Variants in GGA2 observed in about 807,000 individuals in gnomAD.
The protein encoded by GGA2 is ADP-ribosylation factor-binding protein GGA2.
GGA2 carries 48 observed loss-of-function variants against 79.5 expected under a neutral mutation model. That is an observed-to-expected ratio of 0.60 (90% CI 0.48 to 0.77). The LOEUF (loss-of-function observed/expected upper bound fraction) is 0.77, where lower values mean the gene tolerates loss of function less well. GGA2 is among the 30% of genes least tolerant of loss of function. The probability of loss-of-function intolerance (pLI) is 0.00; values close to 1 mark genes in which losing one functional copy is unlikely to be tolerated. For synonymous variants in GGA2, 317 were observed against 302.0 expected, an observed-to-expected ratio of 1.05 and a Z score of -0.51; for missense variants, 770 against 774.0, an observed-to-expected ratio of 0.99 and a Z score of 0.06.
At chr16:23,486,630 C>A (rs1029497874) in intron 7 of GGA2, 80 bp downstream of exon 7, 146 of 864,738 alleles carry the variant, frequency 1.7e-4, no homozygotes, top group Non-Finnish European at 2.8e-4. Flanking sequence ...TCCTCTACCC[C>A]TCAAGCATAG....
At chr16:23,474,812 G>A in intron 14 of GGA2, 92 bp downstream of exon 14, 1 of 962,126 alleles carries the variant, frequency 1.0e-6, no homozygotes, top group Non-Finnish European at 1.7e-6. Context: ...AAATTTAAGG[G>A]CCACCTCTAT....
chr16:23,480,605 C>A, intron 10 of GGA2, 40 bp downstream of exon 10: 2 of 1,561,614 alleles, frequency 1.3e-6, no homozygotes, highest in Non-Finnish European at 1.7e-6. Flanking sequence ...TTACAGGCTG[C>A]CCCAAGGCAG....
chr16:23,506,819 T>C (rs754000598), intron 1 of GGA2, among the ~76,000 whole-genome samples: 5 of 152,168 alleles, frequency 3.3e-5, no homozygotes, highest in Admixed American at 6.6e-5. Context: ...CTTGTTTGCA[T>C]GTGCAATCAT....
upstream of GGA2, chr16:23,524,059 T>G (rs1965183451): frequency 2.9e-6 from 1 of 343,272 alleles, no homozygotes; most frequent in Non-Finnish European, 5.4e-6. Context: ...CCAAGCCTTC[T>G]GCACTGTTCC....
chr16:23,478,252 G>T (rs2142119230), intron 13 of GGA2, 116 bp downstream of exon 13: 58 of 564,914 alleles, frequency 1.0e-4, no homozygotes, highest in Non-Finnish European at 1.5e-4. Context: ...AAGAAAGAAA[G>T]ATGTTTCTCC....
chr16:23,477,152 A>G (rs1463464366), intron 13 of GGA2, among the ~76,000 whole-genome samples: 1 of 152,060 alleles, frequency 6.6e-6, no homozygotes, highest in Non-Finnish European at 1.5e-5. Flanking sequence ...GGGTTTTGCC[A>G]TATCTCCCAG....
At position 23,467,387 on chromosome 16, in the gene GGA2, A is replaced by AC. The variant is rs1964451036; in HGVS notation, c.*202_*203insG. On this transcript the variant is annotated 3_prime_UTR_variant, in exon 17 of 17. Coordinates refer to ENST00000309859, the MANE Select transcript of GGA2 (RefSeq NM_015044.4). ...GCCCTGTGCTACCACCCTCTCCCCG[A>AC]ACACACACACACACACACACACACA... 5 of 327,522 alleles carry AC rather than the reference A, an allele frequency of 1.5e-5. No individual in the cohort carries two copies. The highest frequency in any genetic ancestry group is 9.4e-5 in the Admixed American group (2 of 21,176). The allele number at this position is 327,522 out of a possible 1,614,324, so 20.3% of individuals were successfully genotyped here.
upstream of GGA2, among the ~76,000 whole-genome samples, chr16:23,512,297 A>G (rs972615448): frequency 6.6e-6 from 1 of 152,182 alleles, no homozygotes; most frequent in Non-Finnish European, 1.5e-5. Flanking sequence ...GGCAACCTCA[A>G]TTTAACCCCA....
rs900107511 is a variant in GGA2 at position 23,463,611 on chromosome 16, T to C, written c.*3979A>G. 6.6e-6 allele frequency: 1 copy of C among 152,242 alleles called. No individual in the cohort carries two copies. The highest frequency in any genetic ancestry group is 2.4e-5 in the African/African-American group (1 of 41,474). The allele number at this position is 152,242 out of a possible 1,614,324, so 9.4% of individuals were successfully genotyped here. ...AAAAAATTTAAAGAAAATTTATCTA[T>C]AATTCCCTGACCCAAAGATTACCAC... On this transcript the variant is annotated 3_prime_UTR_variant, in exon 17 of 17. Coordinates refer to ENST00000309859, the MANE Select transcript of GGA2 (RefSeq NM_015044.4).
intron 10 of GGA2, chr16:23,480,314 A>G: frequency 3.1e-6 from 1 of 317,554 alleles, no homozygotes; most frequent in South Asian, 4.6e-5. Flanking sequence ...GGTGATTCTG[A>G]TACAGCTGAC....
Position 23,510,472 on chromosome 16 carries a change from T to A in GGA2, c.-61A>T, listed in dbSNP as rs528025516. ...TGCCTCTTCAGCCGCTGTAGCGTCC[T>A]GGCGCTCTCCTCTGCTGACTGCGCG... On this transcript the variant is annotated 5_prime_UTR_variant, in exon 1 of 17. Coordinates refer to ENST00000309859, the MANE Select transcript of GGA2 (RefSeq NM_015044.4). 5.1e-5 allele frequency: 31 copies of A among 611,718 alleles called. No homozygotes were observed. The highest frequency in any genetic ancestry group is 7.3e-5 in the Non-Finnish European group (30 of 411,520). The allele number at this position is 611,718 out of a possible 1,614,324, so 37.9% of individuals were successfully genotyped here. A position where few individuals can be genotyped will look rare whatever the true frequency, so the allele number is the denominator to read the frequency against.
At chr16:23,482,860 C>G in intron 9 of GGA2, 63 bp downstream of exon 9, 1 of 949,930 alleles carries the variant, frequency 1.1e-6, no homozygotes, top group Non-Finnish European at 1.7e-6. Context: ...AGCAGTGTGA[C>G]AGGAGGGACC....
At chr16:23,493,254 A>G in intron 4 of GGA2, 106 bp downstream of exon 4, 1 of 724,464 alleles carries the variant, frequency 1.4e-6, no homozygotes, top group Non-Finnish European at 2.6e-6. Context: ...AGGCAGGAGC[A>G]GGTTTTGTCC....
chr16:23,495,076 A>AG (rs1277293639), intron 2 of GGA2, among the ~76,000 whole-genome samples: 8 of 124,422 alleles, frequency 6.4e-5, no homozygotes, highest in African/African-American at 2.3e-4. Context: ...ACTCTGTCTC[A>AG]GGAAAAAAAA....
intron 1 of GGA2, among the ~76,000 whole-genome samples, chr16:23,504,283 G>A (rs568063743): frequency 3.3e-5 from 5 of 152,252 alleles, no homozygotes; most frequent in South Asian, 2.1e-4. Flanking sequence ...CCACTCTTGC[G>A]GTGAGGTCTT....
intron 1 of GGA2, among the ~76,000 whole-genome samples, chr16:23,506,718 C>T (rs1964977375): frequency 1.3e-5 from 2 of 152,184 alleles, no homozygotes; most frequent in African/African-American, 4.8e-5. Flanking sequence ...GTTTGCCTCA[C>T]CAGCCACTCC....
intron 14 of GGA2, among the ~76,000 whole-genome samples, chr16:23,470,687 C>T (rs755363232): frequency 8.6e-5 from 13 of 151,730 alleles, no homozygotes; most frequent in African/African-American, 2.4e-4. Context: ...CACTTGAACT[C>T]GGGAGGCGGA....
chr16:23,493,608 A>C (rs755991968), intron 3 of GGA2, 150 bp from the exon 4 acceptor site: 28 of 613,372 alleles, frequency 4.6e-5, no homozygotes, highest in Non-Finnish European at 7.0e-5. Context: ...GATGAAGAGG[A>C]CGTTTTCAGA....
At chr16:23,497,224 T>C (rs1964867852) in intron 1 of GGA2, among the ~76,000 whole-genome samples, 1 of 152,120 alleles carries the variant, frequency 6.6e-6, no homozygotes, top group Non-Finnish European at 1.5e-5. Flanking sequence ...TTTTAGGCTC[T>C]GGAAATGAGG....
Sources: allele counts gnomAD v4.1 joint callset (sites outside exome capture counted in the v4.1 genomes callset), GRCh38; gene constraint gnomAD v4.1.1; transcripts MANE v1.5; gene names NCBI Gene and HGNC (gene_info 2026-07-23, HGNC 2026-07-21).